Variants in NDUFB5 observed in about 807,000 individuals in gnomAD.
NDUFB5 encodes NADH dehydrogenase [ubiquinone] 1 beta subcomplex subunit 5, mitochondrial.
A neutral mutation model predicts 19.4 loss-of-function variants in NDUFB5; 19 were observed. That is an observed-to-expected ratio of 0.98 (90% CI 0.68 to 1.43). The LOEUF (loss-of-function observed/expected upper bound fraction) is 1.43, where lower values mean the gene tolerates loss of function less well. Among genes scored for constraint, NDUFB5 ranks in the 40% most tolerant of loss-of-function variants. NDUFB5 has a pLI of 0.00. For missense variants in NDUFB5, 233 were observed against 236.5 expected, an observed-to-expected ratio of 0.99 and a Z score of 0.10; for synonymous variants, 80 against 82.6, an observed-to-expected ratio of 0.97 and a Z score of 0.17.
Position 179,625,863 on chromosome 3 carries a change from C to G in NDUFB5, c.*1823C>G, listed in dbSNP as rs1240117577. ...ACCTCCAGTTCCATCCATGTTGCTA[C>G]AAATGACAGAATCCCATTCTTTTTC... On this transcript the variant is annotated 3_prime_UTR_variant, in exon 6 of 6. Transcript: ENST00000259037. 2 of 152,206 alleles carry G rather than the reference C, an allele frequency of 1.3e-5. No homozygotes were observed. The highest frequency in any genetic ancestry group is 3.9e-4 in the East Asian group (2 of 5,192). The allele number at this position is 152,206 out of a possible 1,614,324, so 9.4% of individuals were successfully genotyped here.
chr3:179,619,501 T>G (rs1179652276), intron 5 of NDUFB5, among the ~76,000 whole-genome samples: 1 of 152,180 alleles, frequency 6.6e-6, no homozygotes, highest in East Asian at 1.9e-4. Context: ...GTTTCCAGCT[T>G]CATCCATGTC....
chr3:179,605,013 C>A, intron 1 of NDUFB5, 74 bp downstream of exon 1: 1 of 1,453,516 alleles, frequency 6.9e-7, no homozygotes, highest in Non-Finnish European at 9.1e-7. Flanking sequence ...TCCAGGGTGA[C>A]CTTGGTGGGA....
At chr3:179,609,409 G>A (rs1044419422) in intron 1 of NDUFB5, among the ~76,000 whole-genome samples, 27 of 152,286 alleles carry the variant, frequency 1.8e-4, no homozygotes, top group Admixed American at 1.6e-3. Flanking sequence ...TATCTGCAGA[G>A]TCAGGGACTG....
chr3:179,611,066 G>C (rs1461319194), intron 1 of NDUFB5, among the ~76,000 whole-genome samples: 1 of 152,140 alleles, frequency 6.6e-6, no homozygotes, highest in Non-Finnish European at 1.5e-5. Flanking sequence ...GGAAAGTTGG[G>C]ACCAAATTGG....
chr3:179,618,216 G>T (rs1373757894), intron 4 of NDUFB5, 199 bp from the exon 5 acceptor site: 1 of 426,018 alleles, frequency 2.3e-6, no homozygotes, highest in East Asian at 4.5e-5. Flanking sequence ...GTAACTTTGT[G>T]CAATTCACTT....
At chr3:179,614,276 A>G (rs184905763) in intron 1 of NDUFB5, among the ~76,000 whole-genome samples, 170 of 152,152 alleles carry the variant, frequency 1.1e-3, no homozygotes, top group African/African-American at 3.7e-3. Context: ...AAATTCTGTC[A>G]GGGGGAGACT....
At chr3:179,618,353 C>G (rs1719436959) in intron 4 of NDUFB5, 62 bp from the exon 5 acceptor site, 1 of 1,057,114 alleles carries the variant, frequency 9.5e-7, no homozygotes, top group African/African-American at 1.6e-5. Flanking sequence ...AAAGAATAGT[C>G]AACTAGAAAA....
chr3:179,623,850 A>T (rs1382702098), intron 5 of NDUFB5, 70 bp from the exon 6 acceptor site: 13 of 1,577,600 alleles, frequency 8.2e-6, no homozygotes, highest in South Asian at 5.6e-5. Flanking sequence ...ATTGTCCTTT[A>T]TGGAAATGGC....
rs1470965263 is a variant in NDUFB5, at chr3:179,625,842, C to T, written c.*1802C>T. The T allele has an allele frequency of 6.6e-6, 1 of 152,188 alleles. No individual in the cohort carries two copies. Among genetic ancestry groups the T allele is most frequent in the Non-Finnish European group, 1.5e-5 (1 of 68,032 alleles). The allele number at this position is 152,188 out of a possible 1,614,324, so 9.4% of individuals were successfully genotyped here. A position where few individuals can be genotyped will look rare whatever the true frequency, so the allele number is the denominator to read the frequency against. ...CTTATTTCACTTACATTAATGACCT[C>T]CAGTTCCATCCATGTTGCTACAAAT... On this transcript the variant is annotated 3_prime_UTR_variant, in exon 6 of 6. Transcript: ENST00000259037.
At chr3:179,616,545 C>G (rs552769723) in intron 3 of NDUFB5, among the ~76,000 whole-genome samples, 26 of 151,566 alleles carry the variant, frequency 1.7e-4, no homozygotes, top group African/African-American at 5.1e-4. Context: ...CTGTCCCCCC[C>G]CCAAAAAAAA....
intron 1 of NDUFB5, among the ~76,000 whole-genome samples, chr3:179,612,112 G>A (rs148405350): frequency 2.0e-5 from 3 of 151,952 alleles, no homozygotes; most frequent in African/African-American, 4.8e-5. Context: ...ACCATTCCTG[G>A]TTACACACTA....
At chr3:179,614,832 C>T in intron 1 of NDUFB5, 139 bp from the exon 2 acceptor site, 2 of 509,706 alleles carry the variant, frequency 3.9e-6, no homozygotes, top group Non-Finnish European at 6.7e-6. Flanking sequence ...ACATCTCACA[C>T]CTGAGTGTGA....
At chr3:179,622,524 A>G (rs371086403) in intron 5 of NDUFB5, among the ~76,000 whole-genome samples, 29 of 152,300 alleles carry the variant, frequency 1.9e-4, no homozygotes, top group African/African-American at 6.3e-4. Context: ...CAGTATATGT[A>G]GCATCTCCTC....
intron 1 of NDUFB5, among the ~76,000 whole-genome samples, chr3:179,606,373 C>G (rs1719101301): frequency 6.6e-6 from 1 of 152,070 alleles, no homozygotes; most frequent in Non-Finnish European, 1.5e-5. Context: ...GAGTCTTGCT[C>G]TGTTGCCCAG....
chr3:179,627,062 A>G lies in NDUFB5; in HGVS notation c.*3022A>G, dbSNP rs570705884. ...ATTGCTTGGCTTCTGGGGAGGCCTC[A>G]AGGAACTTTCACTCATAGCAGAAAG... On this transcript the variant is annotated 3_prime_UTR_variant, in exon 6 of 6. Coordinates refer to ENST00000259037, the MANE Select transcript of NDUFB5 (RefSeq NM_002492.4). 6.6e-6 allele frequency: 1 copy of G among 152,240 alleles called. No homozygotes were observed. The highest frequency in any genetic ancestry group is 1.5e-5 in the Non-Finnish European group (1 of 68,088). 9.4% of individuals were successfully genotyped at this position (152,240 alleles called of 1,614,324 possible). A position where few individuals can be genotyped will look rare whatever the true frequency, so the allele number is the denominator to read the frequency against.
chr3:179,606,041 C>T (rs1411241955), intron 1 of NDUFB5, among the ~76,000 whole-genome samples: 1 of 152,134 alleles, frequency 6.6e-6, no homozygotes, highest in Non-Finnish European at 1.5e-5. Context: ...ATCCGCCCAC[C>T]TCAGCCTCCC....
At chr3:179,605,496 C>T (rs775978648) in intron 1 of NDUFB5, among the ~76,000 whole-genome samples, 16 of 152,192 alleles carry the variant, frequency 1.1e-4, no homozygotes, top group Middle Eastern at 3.4e-3. Flanking sequence ...GACAGAGTCT[C>T]ACTCTGTTGC....
intron 1 of NDUFB5, among the ~76,000 whole-genome samples, chr3:179,612,348 A>G (rs568174546): frequency 6.6e-6 from 1 of 151,910 alleles, no homozygotes; most frequent in African/African-American, 2.4e-5. Context: ...GTTACATGCT[A>G]TGAAATATAC....
At chr3:179,609,299 A>G (rs963161693) in intron 1 of NDUFB5, among the ~76,000 whole-genome samples, 4 of 152,190 alleles carry the variant, frequency 2.6e-5, no homozygotes, top group Admixed American at 6.5e-5. Flanking sequence ...GTGGTGAAAG[A>G]ATTTACCAAG....
Sources: gnomAD v4.1 joint callset for allele counts (sites outside exome capture counted in the v4.1 genomes callset) on GRCh38, gnomAD v4.1.1 for gene constraint, MANE v1.5 for transcripts, NCBI Gene and HGNC (gene_info 2026-07-23, HGNC 2026-07-21) for gene names.